The following TRMT11 variants were observed in gnomAD, a reference collection of about 807,000 sequenced individuals.
The protein encoded by TRMT11 is tRNA (guanine(10)-N(2))-methyltransferase TRMT11.
A neutral mutation model predicts 62.8 loss-of-function variants in TRMT11; 53 were observed. The ratio of observed to expected loss-of-function variants is 0.84; its 90% CI spans 0.68 to 1.06. The LOEUF (loss-of-function observed/expected upper bound fraction) is 1.06. Ranked by LOEUF, TRMT11 falls within the 50% of genes least tolerant of loss-of-function variation. The pLI, the probability that TRMT11 is intolerant of heterozygous loss-of-function variation, is 0.00. For synonymous variants in TRMT11, 188 were observed against 190.3 expected (o/e 0.99, Z 0.10); for missense variants, 556 against 553.4 (o/e 1.00, Z -0.05).
chr6:126,242,514 C>A, the TRMT11 span, among the ~76,000 whole-genome samples: 1 of 152,132 alleles, frequency 6.6e-6, no homozygotes, highest in African/African-American at 2.4e-5. Context: ...GGAGGCATCA[C>A]GCTACCTGAC....
intron 17 of TRMT11, among the ~76,000 whole-genome samples, chr6:126,103,360 A>G (rs1323316203): frequency 6.6e-6 from 1 of 152,186 alleles, no homozygotes; most frequent in Non-Finnish European, 1.5e-5. Context: ...TTGTCTTTGT[A>G]TTTATTTGAG....
chr6:126,233,687 C>T, the TRMT11 span, among the ~76,000 whole-genome samples: 1 of 151,970 alleles, frequency 6.6e-6, no homozygotes, highest in African/African-American at 2.4e-5. Context: ...TTTTAGAGGT[C>T]TACAAAAAGG....
At chr6:126,256,394 A>G in the TRMT11 span, among the ~76,000 whole-genome samples, 1 of 152,174 alleles carries the variant, frequency 6.6e-6, no homozygotes, top group Non-Finnish European at 1.5e-5. Flanking sequence ...AATAGAAAAT[A>G]CATTTCATCC....
At chr6:126,026,488 T>G (rs1773118373) in intron 12 of TRMT11, among the ~76,000 whole-genome samples, 1 of 151,826 alleles carries the variant, frequency 6.6e-6, no homozygotes, top group African/African-American at 2.4e-5. Flanking sequence ...TGGGTTCAAG[T>G]GATTCTCCTT....
chr6:126,154,641 G>A lies in TRMT11; in HGVS notation c.*1824-20184G>A, dbSNP rs144780033. Among the ~76,000 whole-genome samples, 716 of 152,132 alleles carry A rather than the reference G, an allele frequency of 4.7e-3. 5 individuals carry two copies. The highest frequency in any genetic ancestry group is 0.016 in the African/African-American group (679 of 41,496). On this transcript the variant is annotated intron_variant and NMD_transcript_variant, in intron 21 of 22. Coordinates refer to the TRMT11 transcript ENST00000648977. ...TTAGTTATTGTTCATTTCAAAGCCCGGCCACTTCTCAGTAAAGGGCATCTG... is the reference window on the plus strand; with the variant it reads ...TTAGTTATTGTTCATTTCAAAGCCCAGCCACTTCTCAGTAAAGGGCATCTG...
intron 21 of TRMT11, among the ~76,000 whole-genome samples, chr6:126,141,380 T>C (rs1777914821): frequency 2.0e-5 from 3 of 152,180 alleles, no homozygotes; most frequent in Non-Finnish European, 2.9e-5. Context: ...AAAGTATTTG[T>C]GTTTTCACAC....
At chr6:126,052,387 C>T (rs1011124576) in intron 16 of TRMT11, among the ~76,000 whole-genome samples, 21 of 152,288 alleles carry the variant, frequency 1.4e-4, no homozygotes, top group African/African-American at 4.8e-4. Context: ...AAATACTTCC[C>T]CTTCCTCTCT....
intron 3 of TRMT11, among the ~76,000 whole-genome samples, chr6:126,200,703 T>C (rs750947710): frequency 1.3e-4 from 20 of 152,060 alleles, no homozygotes; most frequent in Non-Finnish European, 2.8e-4. Context: ...TACAGGCGCC[T>C]ACCACCACGC....
chr6:126,118,107 G>A (rs1305730215), intron 21 of TRMT11, among the ~76,000 whole-genome samples: 1 of 152,062 alleles, frequency 6.6e-6, no homozygotes, highest in African/African-American at 2.4e-5. Context: ...TCTCTCTCTT[G>A]AAGAGATTCA....
the TRMT11 span, among the ~76,000 whole-genome samples, chr6:126,225,590 G>C: frequency 6.6e-6 from 1 of 150,940 alleles, no homozygotes. Context: ...GTAGTCAAAT[G>C]TTATCCTCAA....
chr6:126,198,571 G>C (rs928954532), intron 1 of TRMT11, among the ~76,000 whole-genome samples: 4 of 152,102 alleles, frequency 2.6e-5, no homozygotes, highest in African/African-American at 9.7e-5. Flanking sequence ...ATGAGCTAAG[G>C]CTGTAAATCC....
chr6:126,256,198 G>C, the TRMT11 span, among the ~76,000 whole-genome samples: 2 of 152,296 alleles, frequency 1.3e-5, no homozygotes, highest in Admixed American at 1.3e-4. Context: ...TGATGACTGT[G>C]TTTTCTTGGA....
rs143407805 is a variant in TRMT11, at chr6:126,165,136, G to C, written c.*1824-9689G>C. Reference sequence around the variant, plus strand: ...TACTAAAAATAAAGAAAATTAGCTGGGCGTAGTGGTGGGTGCCTATAATCC... The same window carrying C: ...TACTAAAAATAAAGAAAATTAGCTGCGCGTAGTGGTGGGTGCCTATAATCC... On this transcript the variant is annotated intron_variant and NMD_transcript_variant, in intron 21 of 22. Coordinates refer to the TRMT11 transcript ENST00000648977. Among the ~76,000 whole-genome samples, 772 of 152,112 alleles carry C rather than the reference G, an allele frequency of 5.1e-3. 3 individuals are homozygous for C. Among genetic ancestry groups the C allele is most frequent in the African/African-American group, 0.017 (709 of 41,496 alleles).
chr6:126,246,928 A>T, the TRMT11 span, among the ~76,000 whole-genome samples: 1 of 152,174 alleles, frequency 6.6e-6, no homozygotes, highest in African/African-American at 2.4e-5. Context: ...AGAAATGGAG[A>T]AGCAGGAGCG....
intron 16 of TRMT11, among the ~76,000 whole-genome samples, chr6:126,045,002 A>G (rs959473989): frequency 6.6e-6 from 1 of 152,102 alleles, no homozygotes; most frequent in Non-Finnish European, 1.5e-5. Flanking sequence ...CCTGGCCAAC[A>G]TGGTGAAACC....
the TRMT11 span, among the ~76,000 whole-genome samples, chr6:126,217,015 C>A: frequency 1.3e-4 from 20 of 152,180 alleles, no homozygotes. Context: ...ATCAATCCTG[C>A]TGTTAAGAGA....
chr6:126,021,905 T>A (rs1795871103), intron 12 of TRMT11, among the ~76,000 whole-genome samples: 1 of 152,144 alleles, frequency 6.6e-6, no homozygotes, highest in Non-Finnish European at 1.5e-5. Context: ...CTTAATTAAA[T>A]CTACAAAAGC....
At chr6:126,267,366 T>C in the TRMT11 span, among the ~76,000 whole-genome samples, 24 of 152,328 alleles carry the variant, frequency 1.6e-4, no homozygotes, top group African/African-American at 4.6e-4. Context: ...TAATCTTTAC[T>C]ACTGCCTGTA....
the TRMT11 span, among the ~76,000 whole-genome samples, chr6:126,231,171 A>G: frequency 1.3e-5 from 2 of 152,224 alleles, no homozygotes; most frequent in African/African-American, 2.4e-5. Flanking sequence ...TTAAAAATCT[A>G]CTTGACATTT....
Sources: gnomAD v4.1 joint callset for allele counts (sites outside exome capture counted in the v4.1 genomes callset) on GRCh38, gnomAD v4.1.1 for gene constraint, MANE v1.5 for transcripts, NCBI Gene and HGNC (gene_info 2026-07-23, HGNC 2026-07-21) for gene names.